EXOC7: variants seen among roughly 807,000 people sequenced by gnomAD.
The protein encoded by EXOC7 is exocyst complex component Exo70.
Under a neutral mutation model 87.6 loss-of-function variants are expected in EXOC7, and 51 were observed. The observed-to-expected ratio is 0.58, with a 90% CI of 0.46 to 0.73. The LOEUF (loss-of-function observed/expected upper bound fraction) is 0.73, where lower values mean the gene tolerates loss of function less well. Ranked by LOEUF, EXOC7 falls within the 30% of genes least tolerant of loss-of-function variation. The probability of loss-of-function intolerance (pLI) is 0.00; values close to 1 mark genes in which losing one functional copy is unlikely to be tolerated. For synonymous variants in EXOC7, 327 were observed against 357.1 expected, an observed-to-expected ratio of 0.92 and a Z score of 0.95; for missense variants, 744 against 888.4, an observed-to-expected ratio of 0.84 and a Z score of 2.07.
rs568286423 is a variant in EXOC7 at position 76,103,390 on chromosome 17, C to G, written c.97G>C (p.Glu33Gln). 48 of 1,607,410 alleles carry G rather than the reference C, an allele frequency of 3.0e-5. No homozygotes were observed. In the Admixed American group the frequency reaches 8.1e-4, roughly 27 times the overall value. Residue 33 changes from glutamate (E) to glutamine (Q), a missense_variant, in exon 2 of 19, where the codon GAG becomes CAG. Glu to Gln is a conservative substitution (Grantham distance 29, BLOSUM62 2). This residue lies in a region of EXOC7 where 512 missense variants were observed against 573.0 expected (regional missense o/e 0.89). Transcript: ENST00000589210. Reference protein sequence around the residue: ...ETLSFIRDSLEKSDQLTKNMV... With the variant: ...ETLSFIRDSLQKSDQLTKNMV... ...TTCTTAGTGAGCTGGTCGCTCTTCT[C>G]CAGGCTGTCTCGGATGAAGGACAGA...
intron 2 of EXOC7, among the ~76,000 whole-genome samples, chr17:76,102,417 GAC>G (rs3073225): frequency 0.32 from 46,641 of 143,682 alleles, 7,525 homozygotes; most frequent in East Asian, 0.45. Context: ...TACACACACA[GAC>G]ACACACACAC....
In EXOC7 at chr17:76,091,248, C is replaced by G. The variant is rs761015037; in HGVS notation, c.809-13G>C. ...TTACGGATCGTCCCTGTCACCAGAG[C>G]CACACAGAGAGGAGATAAGAAGACC... On this transcript the variant is annotated splice_polypyrimidine_tract_variant and intron_variant, in intron 6 of 18. Transcript: ENST00000589210. 3.1e-6 allele frequency: 5 copies of G among 1,611,538 alleles called. No homozygotes were observed. The highest frequency in any genetic ancestry group is 3.3e-4 in the Middle Eastern group (2 of 6,060).
chr17:76,082,638 G>A lies in EXOC7; in HGVS notation c.*1010C>T. On this transcript the variant is annotated 3_prime_UTR_variant, in exon 19 of 19. Coordinates refer to ENST00000589210, the MANE Select transcript of EXOC7 (RefSeq NM_001013839.4). ...CTGGAGAGGCTGCACCCCATGGCAG[G>A]CGGCCTAGACTGTAAAGGGGCAGGG... 6.2e-7 allele frequency: 1 copy of A among 1,612,252 alleles called. No individual in the cohort carries two copies. Among genetic ancestry groups the A allele is most frequent in the Non-Finnish European group, 8.5e-7 (1 of 1,179,504 alleles).
Position 76,101,803 on chromosome 17 carries a change from C to T in EXOC7, c.187G>A (p.Val63Met). The change falls in exon 3 of 19, where the codon GTG becomes ATG. Residue 63 changes from valine (V) to methionine (M), a missense_variant. Val to Met is a conservative substitution (Grantham distance 21). Transcript: ENST00000589210. ...TGCAGATTCTCCGTCTGCTTGTGCA[C>T]AGGGATGATGGAGTTCTCCAGCTTC... ...LMKLENSIIP[V>M]HKQTENLQRL... The T allele has an allele frequency of 6.2e-7, 1 of 1,614,102 alleles. No individual in the cohort carries two copies. Among genetic ancestry groups the T allele is most frequent in the Non-Finnish European group, 8.5e-7 (1 of 1,180,028 alleles).
chr17:76,095,367 A>G (rs992471449), intron 5 of EXOC7, among the ~76,000 whole-genome samples: 11 of 149,448 alleles, frequency 7.4e-5, no homozygotes, highest in African/African-American at 2.7e-4. Flanking sequence ...CTCCCGGGTT[A>G]AAGTGATTCT....
chr17:76,097,854 G>A lies in EXOC7; in HGVS notation c.582C>T (p.Ser194=). Residue 194 remains serine, a synonymous_variant, in exon 5 of 19, where the codon AGC becomes AGT. Transcript: ENST00000589210. ...EDVTLEHLPE[S]VLQDVIRISR... ...AGATGCGAATGACATCCTGGAGCACGCTCTCGGGCAGGTGCTCCAGGGTCA... is the reference window on the plus strand; with the variant it reads ...AGATGCGAATGACATCCTGGAGCACACTCTCGGGCAGGTGCTCCAGGGTCA... 5.6e-6 allele frequency: 9 copies of A among 1,613,932 alleles called. No individual in the cohort carries two copies. The highest frequency in any genetic ancestry group is 1.1e-5 in the South Asian group (1 of 91,080).
In EXOC7 at chr17:76,086,068, G is replaced by A. The variant is rs757055380; in HGVS notation, c.1495+12C>T. 1.8e-5 allele frequency: 29 copies of A among 1,613,216 alleles called. No individual in the cohort carries two copies. The highest frequency in any genetic ancestry group is 2.4e-5 in the Non-Finnish European group (28 of 1,179,968). On this transcript the variant is annotated intron_variant, in intron 13 of 18. Coordinates refer to ENST00000589210, the MANE Select transcript of EXOC7 (RefSeq NM_001013839.4). The stretch of plus-strand genomic sequence containing the variant: ...GCAGCAGGGCTGCTGGTCTGCCCGG[G>A]AGAACACTCACAGATATAGGTGCTT...
At chr17:76,083,981 G>A in intron 18 of EXOC7, 25 bp downstream of exon 18, 1 of 1,536,044 alleles carries the variant, frequency 6.5e-7, no homozygotes, top group Non-Finnish European at 8.7e-7. Flanking sequence ...GGCAGCACAG[G>A]CTGGGAGGGG....
At chr17:76,103,319 GTCC>G (rs1567995430) in intron 2 of EXOC7, 39 bp downstream of exon 2, 16 of 1,545,062 alleles carry the variant, frequency 1.0e-5, no homozygotes, top group Non-Finnish European at 1.3e-5. Context: ...CTCCCCCAGG[GTCC>G]GGAGGCCTGC....
chr17:76,102,411 C>CACACAG (rs1476602658), intron 2 of EXOC7, among the ~76,000 whole-genome samples: 1 of 89,678 alleles, frequency 1.1e-5, no homozygotes, highest in Admixed American at 1.4e-4. Flanking sequence ...CCTGTCTACA[C>CACACAG]ACACAGACAC....
At chr17:76,089,659 G>T in intron 7 of EXOC7, 1 of 337,622 alleles carries the variant, frequency 3.0e-6, no homozygotes. Context: ...CCAGGACTGA[G>T]CATTCTGAGT....
Position 76,081,103 on chromosome 17 carries a change from G to A in EXOC7, c.*2545C>T, listed in dbSNP as rs1423532237. ...CTTCCTTCAACTGGAGACAATTTGG[G>A]ATGTTGCAAAACAAGGTTTGGGAAG... On this transcript the variant is annotated 3_prime_UTR_variant, in exon 19 of 19. Coordinates refer to ENST00000589210, the MANE Select transcript of EXOC7 (RefSeq NM_001013839.4). 4.0e-6 allele frequency: 3 copies of A among 756,720 alleles called. No individual in the cohort carries two copies. The highest frequency in any genetic ancestry group is 4.3e-6 in the Non-Finnish European group (2 of 463,082). 46.9% of individuals were successfully genotyped at this position (756,720 alleles called of 1,614,324 possible).
chr17:76,089,570 C>G, intron 7 of EXOC7: 1 of 557,298 alleles, frequency 1.8e-6, no homozygotes, highest in Non-Finnish European at 3.2e-6. Context: ...GGATCAGACA[C>G]CAGAGGCAGG....
rs991606841 is a variant in EXOC7, at chr17:76,091,490, G to A, written c.809-255C>T. ...CAGCTCATTTCTGAAAGGACAGAGG[G>A]TAATGAAGATGGACCAAGATCCACC... On this transcript the variant is annotated intron_variant, in intron 6 of 18. Coordinates refer to ENST00000589210, the MANE Select transcript of EXOC7 (RefSeq NM_001013839.4). 8.3e-6 allele frequency: 4 copies of A among 482,526 alleles called. No homozygotes were observed. The Admixed American group carries it at 1.1e-4, about 13-fold the overall frequency. The allele number at this position is 482,526 out of a possible 1,614,324, so 29.9% of individuals were successfully genotyped here. A position where few individuals can be genotyped will look rare whatever the true frequency, so the allele number is the denominator to read the frequency against.
intron 18 of EXOC7, 66 bp from the exon 19 acceptor site, chr17:76,083,816 A>T: frequency 8.3e-6 from 13 of 1,558,842 alleles, no homozygotes; most frequent in Non-Finnish European, 1.1e-5. Flanking sequence ...CCTCAGCCTA[A>T]GGCACTCCTG....
Position 76,092,138 on chromosome 17 carries a change from C to T in EXOC7, c.809-903G>A, listed in dbSNP as rs1182363278. Reference sequence around the variant, plus strand: ...AAATGTATAGGGGCAGAAAGGCACCCGGGATGCCTCCCACCCCCACAGTCT... The same window carrying T: ...AAATGTATAGGGGCAGAAAGGCACCTGGGATGCCTCCCACCCCCACAGTCT... On this transcript the variant is annotated intron_variant, in intron 6 of 18. Transcript: ENST00000589210. 2.0e-5 allele frequency among the ~76,000 whole-genome samples: 3 copies of T among 152,106 alleles called. No individual in the cohort carries two copies. The East Asian group carries it at 5.8e-4, about 29-fold the overall frequency.
intron 8 of EXOC7, 46 bp downstream of exon 8, chr17:76,089,129 A>G (rs762262421): frequency 1.2e-6 from 2 of 1,607,876 alleles, no homozygotes; most frequent in Non-Finnish European, 1.7e-6. Context: ...CTGTTGTGAC[A>G]GCTCTTGCTG....
Position 76,084,537 on chromosome 17 carries a change from C to G in EXOC7, c.1756G>C (p.Val586Leu). The change falls in exon 16 of 19, where the codon GTG (valine) becomes CTG (leucine). Residue 586 changes from valine (V) to leucine (L), a missense_variant. Transcript: ENST00000589210. Reference sequence around the variant, plus strand: ...CCCACCTTGACTCCCGGCTGGAACACAGGTAGATTCTTCTCTGCGATGTAA... The same window carrying G: ...CCCACCTTGACTCCCGGCTGGAACAGAGGTAGATTCTTCTCTGCGATGTAA... Reference protein sequence around the residue: ...TDYIAEKNLPVFQPGVKLRDK... With the variant: ...TDYIAEKNLPLFQPGVKLRDK... 6.2e-7 allele frequency: 1 copy of G among 1,613,972 alleles called. No homozygotes were observed. Among genetic ancestry groups the G allele is most frequent in the Non-Finnish European group, 8.5e-7 (1 of 1,180,036 alleles).
intron 5 of EXOC7, among the ~76,000 whole-genome samples, chr17:76,095,271 CTT>C (rs560955720): frequency 1.2e-4 from 16 of 139,038 alleles, no homozygotes; most frequent in Admixed American, 1.4e-4. Flanking sequence ...TAGTTGTAAG[CTT>C]TTTTTTTTTT....
Sources: gnomAD v4.1 joint callset for allele counts (sites outside exome capture counted in the v4.1 genomes callset) on GRCh38, gnomAD v4.1.1 for gene constraint, gnomAD v4.1.1 regional missense constraint, MANE v1.5 for transcripts, NCBI Gene and HGNC (gene_info 2026-07-23, HGNC 2026-07-21) for gene names.